The following CCBE1 variants were observed in gnomAD, a reference collection of about 807,000 sequenced individuals.
The protein encoded by CCBE1 is collagen and calcium binding EGF domains 1.
A neutral mutation model predicts 50.0 loss-of-function variants in CCBE1; 37 were observed. The observed-to-expected ratio is 0.74, with a 90% CI of 0.57 to 0.97. The LOEUF (loss-of-function observed/expected upper bound fraction) is 0.97, where lower values mean the gene tolerates loss of function less well. Ranked by LOEUF, CCBE1 falls within the 50% of genes least tolerant of loss-of-function variation. The probability of loss-of-function intolerance (pLI) is 0.00; values close to 1 mark genes in which losing one functional copy is unlikely to be tolerated. For missense variants in CCBE1, 538 were observed against 523.8 expected (o/e 1.03, Z -0.26); for synonymous variants, 234 against 203.7 (o/e 1.15, Z -1.27).
At chr18:59,550,075 T>C (rs917808317) in intron 2 of CCBE1, among the ~76,000 whole-genome samples, 1 of 152,164 alleles carries the variant, frequency 6.6e-6, no homozygotes, top group Admixed American at 6.5e-5. Flanking sequence ...CCGGTTTGCT[T>C]TGTTTATCCC....
chr18:59,648,606 G>A (rs1463921811), intron 2 of CCBE1, among the ~76,000 whole-genome samples: 2 of 152,180 alleles, frequency 1.3e-5, no homozygotes, highest in African/African-American at 2.4e-5. Flanking sequence ...GGAGGGTGAG[G>A]TACGAGAATT....
At chr18:59,604,661 A>G (rs1452290694) in intron 2 of CCBE1, among the ~76,000 whole-genome samples, 1 of 152,232 alleles carries the variant, frequency 6.6e-6, no homozygotes, top group Non-Finnish European at 1.5e-5. Flanking sequence ...GGAAATTTCC[A>G]TGGTATGTGA....
At chr18:59,616,599 A>G (rs1944981) in intron 2 of CCBE1, among the ~76,000 whole-genome samples, 16,390 of 152,166 alleles carry the variant, frequency 0.11, 954 homozygotes, top group East Asian at 0.13. Context: ...CTAGGCGCCA[A>G]ACCCATTCCT....
At chr18:59,454,289 G>C (rs1205489068) in intron 6 of CCBE1, among the ~76,000 whole-genome samples, 2 of 152,298 alleles carry the variant, frequency 1.3e-5, no homozygotes, top group East Asian at 3.9e-4. Context: ...TTGTTGCCCA[G>C]GCTGGAGTGC....
chr18:59,583,992 A>G (rs2053135844), intron 2 of CCBE1, among the ~76,000 whole-genome samples: 1 of 152,088 alleles, frequency 6.6e-6, no homozygotes, highest in African/African-American at 2.4e-5. Context: ...CAGCCATCCC[A>G]TTACTGGGTA....
intron 2 of CCBE1, among the ~76,000 whole-genome samples, chr18:59,645,546 ACT>A (rs1216912001): frequency 6.6e-6 from 1 of 152,100 alleles, no homozygotes; most frequent in African/African-American, 2.4e-5. Flanking sequence ...AGGTCTCTCT[ACT>A]CTCAGCCATG....
intron 2 of CCBE1, among the ~76,000 whole-genome samples, chr18:59,614,930 T>G (rs545080303): frequency 1.8e-4 from 27 of 152,376 alleles, no homozygotes; most frequent in African/African-American, 6.3e-4. Context: ...AACCATAGGA[T>G]GTACCATTTC....
intron 2 of CCBE1, among the ~76,000 whole-genome samples, chr18:59,528,473 AT>A (rs1914916525): frequency 6.6e-6 from 1 of 152,156 alleles, no homozygotes; most frequent in African/African-American, 2.4e-5. Context: ...CTGTCAGTTC[AT>A]CCATCTCAGC....
intron 2 of CCBE1, among the ~76,000 whole-genome samples, chr18:59,549,102 CAAA>C (rs10661714): frequency 8.6e-6 from 1 of 115,794 alleles, no homozygotes; most frequent in Admixed American, 9.4e-5. Flanking sequence ...GACTCCGTCT[CAAA>C]AAAAAAAAAA....
chr18:59,465,658 T>A (rs1165243469), intron 5 of CCBE1: 1 of 152,264 alleles, frequency 6.6e-6, no homozygotes, highest in Non-Finnish European at 1.5e-5. Context: ...GTCAGATTGA[T>A]ATAAAAATTT....
chr18:59,489,127 C>G (rs922739900), intron 2 of CCBE1, among the ~76,000 whole-genome samples: 1 of 152,228 alleles, frequency 6.6e-6, no homozygotes, highest in Non-Finnish European at 1.5e-5. Context: ...CATTTGACTT[C>G]TTATGATCAG....
intron 2 of CCBE1, among the ~76,000 whole-genome samples, chr18:59,598,793 T>C (rs1165047880): frequency 8.5e-5 from 13 of 152,142 alleles, no homozygotes; most frequent in African/African-American, 2.4e-4. Context: ...CTCAATTCCA[T>C]GATCTTTTTG....
chr18:59,662,537 A>G (rs1259495634), intron 2 of CCBE1, among the ~76,000 whole-genome samples: 3 of 152,192 alleles, frequency 2.0e-5, no homozygotes, highest in Non-Finnish European at 4.4e-5. Flanking sequence ...CTGCAATAAT[A>G]GCCTAGAGGG....
chr18:59,616,669 C>T (rs9959144), intron 2 of CCBE1, among the ~76,000 whole-genome samples: 107 of 152,148 alleles, frequency 7.0e-4, no homozygotes, highest in African/African-American at 2.6e-3. Flanking sequence ...GTCAAAAGTT[C>T]GGTACACAAA....
intron 2 of CCBE1, among the ~76,000 whole-genome samples, chr18:59,529,189 G>T (rs1293516611): frequency 6.6e-6 from 1 of 152,212 alleles, no homozygotes; most frequent in Non-Finnish European, 1.5e-5. Context: ...CCCACAGGGA[G>T]GCCCTGCCCG....
chr18:59,684,263 A>G (rs1320730309), intron 2 of CCBE1, among the ~76,000 whole-genome samples: 1 of 152,220 alleles, frequency 6.6e-6, no homozygotes, highest in Non-Finnish European at 1.5e-5. Flanking sequence ...AGCCTGGCCA[A>G]CATGGCGAAA....
intron 2 of CCBE1, among the ~76,000 whole-genome samples, chr18:59,628,669 G>A (rs1450161044): frequency 6.6e-6 from 1 of 152,152 alleles, no homozygotes; most frequent in Non-Finnish European, 1.5e-5. Flanking sequence ...AGACAATCAA[G>A]TAGCCTTGGG....
At chr18:59,526,493 T>C (rs180732194) in intron 2 of CCBE1, among the ~76,000 whole-genome samples, 22 of 152,044 alleles carry the variant, frequency 1.4e-4, no homozygotes, top group African/African-American at 5.1e-4. Flanking sequence ...TTATTTTTAG[T>C]AGAGATGGGA....
In CCBE1 at chr18:59,431,018, T is replaced by A. The variant is rs1412133009; in HGVS notation, c.*4890A>T. On this transcript the variant is annotated 3_prime_UTR_variant, in exon 11 of 11. Transcript: ENST00000439986. ...AGTATCACATCCATAATTGCTTGAA[T>A]GCTAACTTGACTGTTACATGGACCT... 6.6e-6 allele frequency: 1 copy of A among 152,244 alleles called. No homozygotes were observed. The highest frequency in any genetic ancestry group is 1.9e-4 in the East Asian group (1 of 5,200). 9.4% of individuals were successfully genotyped at this position (152,244 alleles called of 1,614,324 possible).
Sources: allele counts gnomAD v4.1 joint callset (sites outside exome capture counted in the v4.1 genomes callset), GRCh38; gene constraint gnomAD v4.1.1; transcripts MANE v1.5; gene names NCBI Gene and HGNC (gene_info 2026-07-23, HGNC 2026-07-21).